PPP4R3A: variants seen among roughly 807,000 people sequenced by gnomAD.
PPP4R3A encodes the protein serine/threonine-protein phosphatase 4 regulatory subunit 3A.
A neutral mutation model predicts 91.7 loss-of-function variants in PPP4R3A; 15 were observed. The observed-to-expected ratio is 0.16, with a 90% CI of 0.11 to 0.25. The LOEUF (loss-of-function observed/expected upper bound fraction) is 0.25, where lower values mean the gene tolerates loss of function less well. Among genes scored for constraint, PPP4R3A ranks in the 10% least tolerant of loss-of-function variants. The pLI, the probability that PPP4R3A is intolerant of heterozygous loss-of-function variation, is 1.00. For synonymous variants in PPP4R3A, 377 were observed against 348.7 expected (o/e 1.08, Z -0.91); for missense variants, 623 against 998.4 (o/e 0.62, Z 5.07).
In PPP4R3A at chr14:91,462,785, T is replaced by G. The variant is rs1488985228; in HGVS notation, c.1923A>C (p.Lys641Asn). The change falls in exon 12 of 15, where the codon AAA (lysine) becomes AAC (asparagine). Residue 641 changes from lysine to asparagine, a missense_variant. By Grantham distance (94) the Lys-to-Asn change is moderately conservative (BLOSUM62 0). Coordinates refer to ENST00000554943, the MANE Select transcript of PPP4R3A (RefSeq NM_001366432.2). Reference sequence around the variant, plus strand: ...TTTCTCTTTGTTGTTCAAATCTCAGTTTTAATCCTTTAAATGTCTGTACAT... The same window carrying G: ...TTTCTCTTTGTTGTTCAAATCTCAGGTTTAATCCTTTAAATGTCTGTACAT... Reference protein sequence around the residue: ...VDYVQTFKGLKLRFEQQRERQ... With the variant: ...VDYVQTFKGLNLRFEQQRERQ... 2.5e-6 allele frequency: 4 copies of G among 1,613,448 alleles called. No homozygotes were observed. The African/African-American group carries it at 5.3e-5, about 22-fold the overall frequency.
chr14:91,500,692 T>A (rs1890893650), intron 1 of PPP4R3A, among the ~76,000 whole-genome samples: 1 of 152,158 alleles, frequency 6.6e-6, no homozygotes, highest in African/African-American at 2.4e-5. Flanking sequence ...CAGTACACAT[T>A]TAGTCAACAT....
chr14:91,509,390 C>A (rs1891629885), intron 1 of PPP4R3A, 116 bp downstream of exon 1: 1 of 1,442,400 alleles, frequency 6.9e-7, no homozygotes, highest in South Asian at 1.3e-5. Context: ...GAGGTGGCCG[C>A]CCTCCCCAGC....
rs1268108586 is a variant in PPP4R3A at position 91,509,522 on chromosome 14, G to A, written c.126C>T (p.Val42=). ...TTCACTTACCGTCGCTCTCAGCCCT[G>A]ACAAGCAGGGACATGCCCTTCAGCC... ...VERLKGMSLL[V]RAESDGSLLL... Residue 42 remains valine (V), a synonymous_variant, in exon 1 of 15, where the codon GTC becomes GTT. Coordinates refer to ENST00000554943, the MANE Select transcript of PPP4R3A (RefSeq NM_001366432.2). 3 of 1,595,254 alleles carry A rather than the reference G, an allele frequency of 1.9e-6. No homozygotes were observed. Among genetic ancestry groups the A allele is most frequent in the Non-Finnish European group, 2.6e-6 (3 of 1,176,264 alleles).
At chr14:91,494,240 C>T (rs138085634) in intron 1 of PPP4R3A, among the ~76,000 whole-genome samples, 1 of 152,096 alleles carries the variant, frequency 6.6e-6, no homozygotes, top group Admixed American at 6.5e-5. Flanking sequence ...TGGCATAGGA[C>T]CCAACTAGGA....
chr14:91,510,438 C>G (rs2140187370), upstream of PPP4R3A: 1 of 152,856 alleles, frequency 6.5e-6, no homozygotes, highest in Admixed American at 6.5e-5. Flanking sequence ...CGCGGAGTTG[C>G]CGAGGTGGCG....
chr14:91,495,328 G>GTGTGTGTGTGTGTGTGTGTGTGTAT (rs1325831512), intron 1 of PPP4R3A, among the ~76,000 whole-genome samples: 1 of 150,788 alleles, frequency 6.6e-6, no homozygotes, highest in African/African-American at 2.4e-5. Context: ...GTGTGTGTAT[G>GTGTGTGTGTGTGTGTGTGTGTGTAT]TTTTTTTTTA....
At chr14:91,475,577 A>G (rs1370523641) in intron 7 of PPP4R3A, 2 of 336,252 alleles carry the variant, frequency 5.9e-6, no homozygotes, top group Non-Finnish European at 1.1e-5. Context: ...AAACAAAACA[A>G]AACAAAAAAA....
At chr14:91,492,970 T>C (rs1890312952) in intron 1 of PPP4R3A, among the ~76,000 whole-genome samples, 1 of 152,186 alleles carries the variant, frequency 6.6e-6, no homozygotes, top group Non-Finnish European at 1.5e-5. Context: ...CTCACACCTA[T>C]AACCCAGCAC....
At chr14:91,465,815 G>T (rs1043158406) in intron 10 of PPP4R3A, among the ~76,000 whole-genome samples, 14 of 152,020 alleles carry the variant, frequency 9.2e-5, no homozygotes, top group African/African-American at 3.4e-4. Context: ...TGTTTTATTA[G>T]GGCAATCCAC....
At chr14:91,504,248 A>C (rs942802956) in intron 1 of PPP4R3A, among the ~76,000 whole-genome samples, 3 of 151,406 alleles carry the variant, frequency 2.0e-5, no homozygotes, top group African/African-American at 7.3e-5. Flanking sequence ...AGATCAACTG[A>C]GCCCAGAAGT....
intron 1 of PPP4R3A, among the ~76,000 whole-genome samples, chr14:91,505,893 C>T (rs1308949664): frequency 6.6e-6 from 1 of 152,128 alleles, no homozygotes; most frequent in African/African-American, 2.4e-5. Flanking sequence ...CTGACCCCAA[C>T]TGGCAGTCAA....
chr14:91,489,715 A>T (rs933408706), intron 2 of PPP4R3A, among the ~76,000 whole-genome samples: 3 of 152,232 alleles, frequency 2.0e-5, no homozygotes, highest in Admixed American at 6.5e-5. Flanking sequence ...ACCAAAGCCA[A>T]ATATTCCAGG....
intron 2 of PPP4R3A, among the ~76,000 whole-genome samples, chr14:91,489,128 C>T (rs923147366): frequency 2.6e-5 from 4 of 151,918 alleles, no homozygotes; most frequent in African/African-American, 4.8e-5. Context: ...AGGATGGTCT[C>T]GATCTCCTGA....
chr14:91,466,977 A>T (rs1018950662), intron 10 of PPP4R3A, among the ~76,000 whole-genome samples: 17 of 117,294 alleles, frequency 1.4e-4, no homozygotes, highest in Admixed American at 1.1e-3. Flanking sequence ...CTCTTGTCTG[A>T]CTATAGTTCC....
At chr14:91,484,107 T>C (rs1595070143) in intron 3 of PPP4R3A, among the ~76,000 whole-genome samples, 1 of 152,156 alleles carries the variant, frequency 6.6e-6, no homozygotes, top group African/African-American at 2.4e-5. Flanking sequence ...TAGAGACATA[T>C]GCTATAAATA....
At chr14:91,487,141 A>G (rs1267224053) in intron 2 of PPP4R3A, among the ~76,000 whole-genome samples, 1 of 148,590 alleles carries the variant, frequency 6.7e-6, no homozygotes, top group African/African-American at 2.5e-5. Flanking sequence ...TCCCAGCTAC[A>G]TGGGAGGCTG....
At chr14:91,469,073 A>C (rs931333698) in intron 10 of PPP4R3A, among the ~76,000 whole-genome samples, 2 of 149,870 alleles carry the variant, frequency 1.3e-5, no homozygotes, top group Admixed American at 1.4e-4. Flanking sequence ...TTATAGTGAC[A>C]TGCCATTAAC....
intron 14 of PPP4R3A, 48 bp from the exon 15 acceptor site, chr14:91,458,917 A>AAAAC: frequency 6.5e-7 from 1 of 1,527,616 alleles, no homozygotes; most frequent in Non-Finnish European, 8.8e-7. Context: ...AAAACATATA[A>AAAAC]AAACACTGGT....
At chr14:91,461,323 A>G (rs1017952897) in intron 14 of PPP4R3A, 58 bp downstream of exon 14, 79 of 1,493,404 alleles carry the variant, frequency 5.3e-5, no homozygotes, top group Non-Finnish European at 7.3e-5. Context: ...AGTCAAAATT[A>G]TTGTTGAGAA....
Sources: gnomAD v4.1 joint callset for allele counts (sites outside exome capture counted in the v4.1 genomes callset) on GRCh38, gnomAD v4.1.1 for gene constraint, MANE v1.5 for transcripts, NCBI Gene and HGNC (gene_info 2026-07-23, HGNC 2026-07-21) for gene names.